The following FAM151A variants were observed in gnomAD, a reference collection of about 807,000 sequenced individuals.
FAM151A encodes the protein family with sequence similarity 151 member A.
In FAM151A, 41 loss-of-function variants were observed where a neutral mutation model predicts 40.4. The observed-to-expected ratio is 1.01, with a 90% CI of 0.79 to 1.32. The LOEUF (loss-of-function observed/expected upper bound fraction) is 1.32, where lower values mean the gene tolerates loss of function less well. Ranked by LOEUF, FAM151A falls within the 40% of genes most tolerant of loss-of-function variation. The pLI is 0.00. For missense variants in FAM151A, 740 were observed against 740.4 expected, an observed-to-expected ratio of 1.00 and a Z score of 0.01; for synonymous variants, 337 against 312.5, an observed-to-expected ratio of 1.08 and a Z score of -0.83.
intron 3 of FAM151A, among the ~76,000 whole-genome samples, chr1:54,615,391 G>C (rs892713056): frequency 1.3e-5 from 2 of 152,166 alleles, no homozygotes; most frequent in Non-Finnish European, 2.9e-5. Flanking sequence ...ACAATGGGGA[G>C]CCACGGAGGG....
chr1:54,609,359 A>G lies in FAM151A; in HGVS notation c.1667T>C (p.Leu556Pro), dbSNP rs1644082135. The G allele has an allele frequency of 6.2e-7, 1 of 1,614,058 alleles. No homozygotes were observed. Among genetic ancestry groups the G allele is most frequent in the African/African-American group, 1.3e-5 (1 of 74,928 alleles). ...GGTCCTGTCCACAGCCCTAGCTGCCAGCAATGCTGTCCTCACAGAGGCATA... is the reference window on the plus strand; with the variant it reads ...GGTCCTGTCCACAGCCCTAGCTGCCGGCAATGCTGTCCTCACAGAGGCATA... ...GDYASVRTALLAARAVDRTRV... is the reference protein window; with the variant it reads ...GDYASVRTALPAARAVDRTRV... Residue 556 changes from leucine (L) to proline (P), a missense_variant, in exon 8 of 8, where the codon CTG becomes CCG. Coordinates refer to ENST00000302250, the MANE Select transcript of FAM151A (RefSeq NM_176782.3).
At chr1:54,614,373 G>A (rs572522908) in intron 4 of FAM151A, among the ~76,000 whole-genome samples, 1 of 152,192 alleles carries the variant, frequency 6.6e-6, no homozygotes, top group African/African-American at 2.4e-5. Context: ...TGTAGTAGGG[G>A]TGACAAATCT....
intron 1 of FAM151A, among the ~76,000 whole-genome samples, 188 bp downstream of exon 1, chr1:54,623,090 C>T (rs550640834): frequency 6.0e-5 from 9 of 150,854 alleles, no homozygotes; most frequent in East Asian, 4.0e-4. Context: ...GCAGGAGAAT[C>T]GCTTGAACCT....
At chr1:54,613,864 GA>G (rs1341057464) in intron 4 of FAM151A, among the ~76,000 whole-genome samples, 1 of 152,218 alleles carries the variant, frequency 6.6e-6, no homozygotes, top group Non-Finnish European at 1.5e-5. Flanking sequence ...GGATGGGAAA[GA>G]GCCTGGAGCT....
rs767625864 is a variant in FAM151A at position 54,620,845 on chromosome 1, C to CAAAAAAAAAAAAA, written c.119-851_119-839dup. Reference sequence around the variant, plus strand: ...CCTGGATGACACAAAGAGACTCTGTCAAAAAAAAAAAAAAAAAAAAAAAAA... The same window carrying CAAAAAAAAAAAAA: ...CCTGGATGACACAAAGAGACTCTGTCAAAAAAAAAAAAAAAAAAAAAAAAAAAAAAAAAAAAAA... On this transcript the variant is annotated intron_variant, in intron 1 of 7. Coordinates refer to ENST00000302250, the MANE Select transcript of FAM151A (RefSeq NM_176782.3). 9.1e-4 allele frequency among the ~76,000 whole-genome samples: 11 copies of CAAAAAAAAAAAAA among 12,132 alleles called. 2 individuals are homozygous for CAAAAAAAAAAAAA. The highest frequency in any genetic ancestry group is 1.5e-3 in the Non-Finnish European group (10 of 6,668). 8.0% of individuals were successfully genotyped at this position (12,132 alleles called of 152,430 possible).
At chr1:54,623,156 A>G (rs1325984883) in intron 1 of FAM151A, 122 bp downstream of exon 1, 7 of 673,924 alleles carry the variant, frequency 1.0e-5, no homozygotes, top group South Asian at 1.9e-5. Context: ...CAGCCTGGGC[A>G]ACAAGAGCAA....
At position 54,609,517 on chromosome 1, in the gene FAM151A, C is replaced by G; in HGVS notation, c.1509G>C (p.Gly503=). ...LLTDMLELCQ[G]LWQPVSFQMQ... ...TCTGGAAGGACACAGGTTGCCAGAGCCCCTGGCACAACTCTAGCATATCTG... is the reference window on the plus strand; with the variant it reads ...TCTGGAAGGACACAGGTTGCCAGAGGCCCTGGCACAACTCTAGCATATCTG... The change falls in exon 8 of 8, where the codon GGG becomes GGC. Residue 503 remains glycine, a synonymous_variant. Coordinates refer to ENST00000302250, the MANE Select transcript of FAM151A (RefSeq NM_176782.3). 1.2e-6 allele frequency: 2 copies of G among 1,613,102 alleles called. No individual in the cohort carries two copies. Among genetic ancestry groups the G allele is most frequent in the Non-Finnish European group, 1.7e-6 (2 of 1,180,034 alleles).
intron 4 of FAM151A, among the ~76,000 whole-genome samples, chr1:54,614,136 A>G (rs1644146416): frequency 6.6e-6 from 1 of 152,222 alleles, no homozygotes; most frequent in Non-Finnish European, 1.5e-5. Context: ...CTAACCTGGC[A>G]GTGCTATGTA....
At position 54,609,610 on chromosome 1, in the gene FAM151A, G is replaced by C. The variant is rs1401328204; in HGVS notation, c.1416C>G (p.Pro472=). The C allele has an allele frequency of 1.9e-6, 3 of 1,613,356 alleles. No individual in the cohort carries two copies. The highest frequency in any genetic ancestry group is 2.5e-6 in the Non-Finnish European group (3 of 1,180,030). The part of the protein sequence containing the change: ...ELLTAVAEVF[P]HVTVAPGWPE... ...GCCAGCCTGGTGCCACAGTCACGTG[G>C]GGGAAGACCTCAGCCACAGCTGTAA... The change falls in exon 8 of 8, where the codon CCC becomes CCG. Residue 472 remains proline (P), a synonymous_variant. Transcript: ENST00000302250.
chr1:54,609,518 C>T lies in FAM151A; in HGVS notation c.1508G>A (p.Gly503Glu), dbSNP rs1450593873. Reference protein sequence around the residue: ...LLTDMLELCQGLWQPVSFQMQ... With the variant: ...LLTDMLELCQELWQPVSFQMQ... ...CTGGAAGGACACAGGTTGCCAGAGC[C>T]CCTGGCACAACTCTAGCATATCTGT... is the stretch of plus-strand genomic sequence containing the variant. Residue 503 changes from glycine (G) to glutamate (E), a missense_variant, in exon 8 of 8, where the codon GGG (glycine) becomes GAG (glutamate). By Grantham distance (98) the Gly-to-Glu change is moderately conservative (BLOSUM62 -2). Coordinates refer to ENST00000302250, the MANE Select transcript of FAM151A (RefSeq NM_176782.3). 1.2e-6 allele frequency: 2 copies of T among 1,613,144 alleles called. No homozygotes were observed. Among genetic ancestry groups the T allele is most frequent in the Admixed American group, 3.3e-5 (2 of 60,034 alleles).
rs751792295 is a variant in FAM151A, at chr1:54,609,543, T to C, written c.1483A>G (p.Thr495Ala). 17 of 1,612,744 alleles carry C rather than the reference T, an allele frequency of 1.1e-5. No individual in the cohort carries two copies. Among genetic ancestry groups the C allele is most frequent in the East Asian group, 4.5e-5 (2 of 44,886 alleles). The change falls in exon 8 of 8, where the codon ACA becomes GCA. Residue 495 changes from threonine to alanine, a missense_variant. Transcript: ENST00000302250. ...CCCTGGCACAACTCTAGCATATCTG[T>C]GAGCAGCTGTTCCCTGTAGCCACTG... ...LGSGYREQLL[T>A]DMLELCQGLW...
At chr1:54,611,817 A>C in intron 5 of FAM151A, 72 bp from the exon 6 acceptor site, 1 of 1,578,860 alleles carries the variant, frequency 6.3e-7, no homozygotes. Flanking sequence ...CTGTGCTCAG[A>C]ACTGGATGTC....
chr1:54,610,149 T>A lies in FAM151A; in HGVS notation c.1085-208A>T, dbSNP rs1644100538. On this transcript the variant is annotated intron_variant, in intron 7 of 7. Transcript: ENST00000302250. ...GAAACTCTTGTTTCAGCTCTTGGCC[T>A]TTACCCATGACTCAGCCTGGGGGCT... 1.2e-5 allele frequency: 17 copies of A among 1,432,872 alleles called. No individual in the cohort carries two copies. In the South Asian group the frequency reaches 2.3e-4, roughly 19 times the overall value. The allele number at this position is 1,432,872 out of a possible 1,614,324, so 88.8% of individuals were successfully genotyped here.
chr1:54,609,222 G>A lies in FAM151A; in HGVS notation c.*46C>T, dbSNP rs1053179488. The A allele has an allele frequency of 3.8e-6, 6 of 1,590,584 alleles. No homozygotes were observed. In the African/African-American group the frequency reaches 6.7e-5, roughly 18 times the overall value. ...CCTTTATTTCTTCCTGCCTCCCCGT[G>A]GGAAGCCTCCGCCCTGAGGTCCGCT... On this transcript the variant is annotated 3_prime_UTR_variant, in exon 8 of 8. Coordinates refer to ENST00000302250, the MANE Select transcript of FAM151A (RefSeq NM_176782.3).
intron 3 of FAM151A, among the ~76,000 whole-genome samples, chr1:54,615,273 A>G (rs973253584): frequency 2.0e-5 from 3 of 152,046 alleles, no homozygotes; most frequent in African/African-American, 7.3e-5. Flanking sequence ...AGAGGAGGAG[A>G]TCTCTGCAGA....
intron 6 of FAM151A, chr1:54,611,110 T>A: frequency 1.3e-6 from 1 of 793,154 alleles, no homozygotes; most frequent in Non-Finnish European, 1.5e-6. Flanking sequence ...GCTGTTTCTC[T>A]ATAAAATGGA....
intron 5 of FAM151A, 136 bp from the exon 6 acceptor site, chr1:54,611,881 CCT>C: frequency 2.0e-6 from 2 of 984,218 alleles, no homozygotes; most frequent in African/African-American, 1.6e-5. Flanking sequence ...GCCACTTCTC[CCT>C]GAGTCCTACC....
Position 54,616,026 on chromosome 1 carries a change from G to A in FAM151A, c.409C>T (p.Gln137Ter), listed in dbSNP as rs747541842. Residue 137 changes from glutamine (Q) to a stop codon, truncating the protein, a stop_gained, in exon 3 of 8, where the codon CAA becomes TAA. Transcript: ENST00000302250. LOFTEE classifies it high-confidence loss of function. ...QWLDAVLGSS[Q>*]KGIKLDFKNI... ...TTTCCAGAGAGGCCCTTACCCTTTT[G>A]GGAAGAGCCCAGCACAGCGTCCAGC... 9.9e-6 allele frequency: 16 copies of A among 1,613,602 alleles called. No homozygotes were observed. Among genetic ancestry groups the A allele is most frequent in the South Asian group, 2.2e-5 (2 of 91,050 alleles).
At chr1:54,615,299 T>C (rs920389942) in intron 3 of FAM151A, among the ~76,000 whole-genome samples, 1 of 152,026 alleles carries the variant, frequency 6.6e-6, no homozygotes, top group Non-Finnish European at 1.5e-5. Context: ...GACTTGGTAC[T>C]TTTCAGGGTG....
Sources: gnomAD v4.1 joint callset for allele counts (sites outside exome capture counted in the v4.1 genomes callset) on GRCh38, gnomAD v4.1.1 for gene constraint, MANE v1.5 for transcripts, NCBI Gene and HGNC (gene_info 2026-07-23, HGNC 2026-07-21) for gene names.